The following KCNH8 variants were observed in gnomAD, a reference collection of about 807,000 sequenced individuals.
KCNH8 encodes the protein voltage-gated delayed rectifier potassium channel KCNH8.
KCNH8 carries 70 observed loss-of-function variants against 103.6 expected under a neutral mutation model. That is an observed-to-expected ratio of 0.68 (90% CI 0.56 to 0.82). The LOEUF is 0.82. KCNH8 is among the 40% of genes least tolerant of loss of function. KCNH8 has a pLI of 0.00. For synonymous variants in KCNH8, 498 were observed against 489.4 expected (o/e 1.02, Z -0.23); for missense variants, 1,217 against 1,329.9 (o/e 0.92, Z 1.32).
intron 1 of KCNH8, among the ~76,000 whole-genome samples, chr3:19,211,061 T>C (rs1375184287): frequency 1.3e-5 from 2 of 152,208 alleles, no homozygotes; most frequent in African/African-American, 4.8e-5. Flanking sequence ...TGATGTCCCA[T>C]TGACCACATA....
At chr3:19,360,554 A>G (rs1323144638) in intron 5 of KCNH8, among the ~76,000 whole-genome samples, 2 of 152,048 alleles carry the variant, frequency 1.3e-5, no homozygotes, top group East Asian at 1.9e-4. Context: ...AATCTTCACA[A>G]TCAGTCCTTT....
chr3:19,155,558 C>A (rs1344953822), intron 1 of KCNH8, among the ~76,000 whole-genome samples: 1 of 152,162 alleles, frequency 6.6e-6, no homozygotes, highest in African/African-American at 2.4e-5. Context: ...TGGATAATGT[C>A]CAATGTCCTT....
At chr3:19,312,868 T>C (rs1180788157) in intron 3 of KCNH8, among the ~76,000 whole-genome samples, 3 of 151,976 alleles carry the variant, frequency 2.0e-5, no homozygotes, top group African/African-American at 4.8e-5. Flanking sequence ...GGTCATTTCC[T>C]GGAATAAATT....
At chr3:19,394,521 A>G (rs2125133572) in intron 6 of KCNH8, among the ~76,000 whole-genome samples, 1 of 152,002 alleles carries the variant, frequency 6.6e-6, no homozygotes, top group Non-Finnish European at 1.5e-5. Context: ...GCTTCAGGCA[A>G]ATGTTTCCTC....
chr3:19,186,333 G>A (rs2063502809), intron 1 of KCNH8, among the ~76,000 whole-genome samples: 1 of 150,270 alleles, frequency 6.7e-6, no homozygotes, highest in South Asian at 2.1e-4. Flanking sequence ...CCATTACTGA[G>A]CTTGAAATGA....
intron 7 of KCNH8, among the ~76,000 whole-genome samples, chr3:19,433,980 TTAA>T (rs1432234740): frequency 2.0e-5 from 3 of 152,182 alleles, no homozygotes; most frequent in African/African-American, 7.2e-5. Flanking sequence ...TATAGTTTAG[TTAA>T]TAGTAATGTA....
At chr3:19,184,267 C>T (rs1265970428) in intron 1 of KCNH8, among the ~76,000 whole-genome samples, 1 of 151,904 alleles carries the variant, frequency 6.6e-6, no homozygotes, top group Non-Finnish European at 1.5e-5. Context: ...ATCTCAAAAA[C>T]ATAATTTTGA....
At chr3:19,323,010 C>CTAG (rs1271504620) in intron 3 of KCNH8, among the ~76,000 whole-genome samples, 1 of 152,142 alleles carries the variant, frequency 6.6e-6, no homozygotes, top group African/African-American at 2.4e-5. Context: ...TTTTGCAATT[C>CTAG]TCTAAGTGTG....
At chr3:19,500,751 T>A (rs921473662) in intron 11 of KCNH8, among the ~76,000 whole-genome samples, 1 of 152,040 alleles carries the variant, frequency 6.6e-6, no homozygotes, top group East Asian at 1.9e-4. Flanking sequence ...AGACACAACA[T>A]ACCAGAATCT....
rs1427354993 is a variant in KCNH8, at chr3:19,438,342, C to A, written c.1356C>A (p.Ile452=). The A allele has an allele frequency of 9.3e-6, 15 of 1,613,640 alleles. No individual in the cohort carries two copies. The highest frequency in any genetic ancestry group is 1.3e-5 in the African/African-American group (1 of 74,914). ...CAGATGCAGAAAAGATCTTCTCCAT[C>A]TGCACCATGCTGATTGGTGGTAAGA... ...ANTDAEKIFS[I]CTMLIGALMH... The change falls in exon 8 of 16, where the codon ATC becomes ATA. Residue 452 remains isoleucine (I), a synonymous_variant. Coordinates refer to ENST00000328405, the MANE Select transcript of KCNH8 (RefSeq NM_144633.3).
intron 1 of KCNH8, among the ~76,000 whole-genome samples, chr3:19,174,429 T>C (rs904972250): frequency 7.2e-5 from 11 of 152,188 alleles, no homozygotes; most frequent in Admixed American, 7.2e-4. Context: ...ATCTTAGTAT[T>C]CTGTCTATCT....
intron 3 of KCNH8, among the ~76,000 whole-genome samples, chr3:19,333,067 A>G (rs1299792376): frequency 2.6e-5 from 4 of 152,124 alleles, no homozygotes; most frequent in East Asian, 1.9e-4. Context: ...TATGGTGTCT[A>G]TTGATATCTC....
At chr3:19,359,111 T>C (rs1361505576) in intron 5 of KCNH8, among the ~76,000 whole-genome samples, 2 of 151,918 alleles carry the variant, frequency 1.3e-5, no homozygotes, top group African/African-American at 4.8e-5. Context: ...TCAATGGATT[T>C]TTTAAATTCA....
intron 1 of KCNH8, among the ~76,000 whole-genome samples, chr3:19,239,640 ATCT>A: frequency 4.1e-5 from 3 of 72,954 alleles, no homozygotes; most frequent in Middle Eastern, 6.9e-3. Context: ...GATGGAATCT[ATCT>A]ATCTATCTAT....
At chr3:19,174,352 A>G (rs546113781) in intron 1 of KCNH8, among the ~76,000 whole-genome samples, 2 of 152,318 alleles carry the variant, frequency 1.3e-5, no homozygotes, top group East Asian at 3.9e-4. Flanking sequence ...CAAATATGGC[A>G]GTTTCCTCAA....
chr3:19,156,523 G>A (rs955706913), intron 1 of KCNH8, among the ~76,000 whole-genome samples: 1 of 152,140 alleles, frequency 6.6e-6, no homozygotes, highest in Non-Finnish European at 1.5e-5. Flanking sequence ...TGTCATTTAA[G>A]TGATGTTTTA....
chr3:19,212,701 G>C (rs1488092009), intron 1 of KCNH8, among the ~76,000 whole-genome samples: 1 of 152,150 alleles, frequency 6.6e-6, no homozygotes, highest in African/African-American at 2.4e-5. Context: ...GGGAACAGGA[G>C]CTCTGGCAAA....
chr3:19,511,417 A>G (rs2068781465), intron 12 of KCNH8, among the ~76,000 whole-genome samples: 1 of 152,220 alleles, frequency 6.6e-6, no homozygotes, highest in Admixed American at 6.5e-5. Flanking sequence ...ATTAGAGCCA[A>G]TAGAGGCTTC....
intron 2 of KCNH8, among the ~76,000 whole-genome samples, chr3:19,278,662 C>T (rs1039059938): frequency 6.6e-6 from 1 of 152,128 alleles, no homozygotes; most frequent in African/African-American, 2.4e-5. Flanking sequence ...GGAAGGTAGA[C>T]ATCAGCCTAG....
Sources: gnomAD v4.1 joint callset for allele counts (sites outside exome capture counted in the v4.1 genomes callset) on GRCh38, gnomAD v4.1.1 for gene constraint, MANE v1.5 for transcripts, NCBI Gene and HGNC (gene_info 2026-07-23, HGNC 2026-07-21) for gene names.